The following GAD2 variants were observed in gnomAD, a reference collection of about 807,000 sequenced individuals.
GAD2 encodes 65 kDa glutamic acid decarboxylase.
GAD2 carries 22 observed loss-of-function variants against 80.1 expected under a neutral mutation model. The observed-to-expected ratio is 0.27, with a 90% CI of 0.20 to 0.39. The LOEUF is 0.39. Among genes scored for constraint, GAD2 ranks in the 10% least tolerant of loss-of-function variants. GAD2 has a pLI of 1.00. For missense variants in GAD2, 624 were observed against 738.4 expected, an observed-to-expected ratio of 0.85 and a Z score of 1.80; for synonymous variants, 274 against 256.9, an observed-to-expected ratio of 1.07 and a Z score of -0.64.
chr10:26,220,112 G>C (rs1589135993), intron 4 of GAD2, among the ~76,000 whole-genome samples: 1 of 152,116 alleles, frequency 6.6e-6, no homozygotes, highest in African/African-American at 2.4e-5. Context: ...CATCTGCCCA[G>C]GTCTTGATTA....
intron 15 of GAD2, among the ~76,000 whole-genome samples, chr10:26,293,287 C>G (rs1485557663): frequency 6.8e-6 from 1 of 147,190 alleles, no homozygotes; most frequent in Non-Finnish European, 1.5e-5. Context: ...AAGCGATTCT[C>G]CTGCCTCAGC....
At chr10:26,256,261 T>TATAG (rs994689828) in intron 8 of GAD2, among the ~76,000 whole-genome samples, 8 of 151,326 alleles carry the variant, frequency 5.3e-5, no homozygotes, top group African/African-American at 1.9e-4. Context: ...TATATATATA[T>TATAG]AGAGAGAGAA....
chr10:26,281,198 C>T lies in GAD2; in HGVS notation c.1236+111C>T, dbSNP rs1845267156. 6 of 712,404 alleles carry T rather than the reference C, an allele frequency of 8.4e-6. No individual in the cohort carries two copies. The Admixed American group carries it at 1.4e-4, about 17-fold the overall frequency. 44.1% of individuals were successfully genotyped at this position (712,404 alleles called of 1,614,324 possible). A position where few individuals can be genotyped will look rare whatever the true frequency, so the allele number is the denominator to read the frequency against. On this transcript the variant is annotated intron_variant, in intron 12 of 15. Coordinates refer to ENST00000376261, the MANE Select transcript of GAD2 (RefSeq NM_001134366.2). ...TCACCGGGTCTTCTCTATGGTCCTA[C>T]TCACATTCCCCAGAGAGCCCTTTCT...
In GAD2 at chr10:26,300,818, G is replaced by A; in HGVS notation, c.1615G>A (p.Glu539Lys). ...TCCAGTGATTAAAGCCAGAATGATG[G>A]AGTATGGAACCACAATGGTCAGCTA... ...VAPVIKARMM[E>K]YGTTMVSYQP... The change falls in exon 16 of 16, where the codon GAG becomes AAG. Residue 539 changes from glutamate to lysine, a missense_variant. Transcript: ENST00000376261. 2 of 1,613,770 alleles carry A rather than the reference G, an allele frequency of 1.2e-6. No individual in the cohort carries two copies. Among genetic ancestry groups the A allele is most frequent in the South Asian group, 1.1e-5 (1 of 91,048 alleles).
At chr10:26,227,042 G>A (rs1261863353) in intron 6 of GAD2, among the ~76,000 whole-genome samples, 1 of 151,990 alleles carries the variant, frequency 6.6e-6, no homozygotes, top group East Asian at 1.9e-4. Context: ...GCCAAGGCTG[G>A]AGTGCAGTGG....
chr10:26,247,156 T>C (rs1389000874), intron 8 of GAD2, among the ~76,000 whole-genome samples: 1 of 152,200 alleles, frequency 6.6e-6, no homozygotes, highest in African/African-American at 2.4e-5. Flanking sequence ...TTTATAGTTA[T>C]TTCTTGATTA....
At chr10:26,263,813 G>A (rs562572244) in intron 8 of GAD2, among the ~76,000 whole-genome samples, 2 of 152,256 alleles carry the variant, frequency 1.3e-5, no homozygotes, top group African/African-American at 4.8e-5. Context: ...TTATTTACTA[G>A]CCAATGCTGA....
At chr10:26,293,538 AAAG>A (rs1028492684) in intron 15 of GAD2, among the ~76,000 whole-genome samples, 1 of 152,152 alleles carries the variant, frequency 6.6e-6, no homozygotes, top group Admixed American at 6.5e-5. Flanking sequence ...TGATGTCTTG[AAAG>A]AAGTAGTCAG....
chr10:26,260,727 C>T (rs1844999631), intron 8 of GAD2, among the ~76,000 whole-genome samples: 1 of 152,192 alleles, frequency 6.6e-6, no homozygotes, highest in Non-Finnish European at 1.5e-5. Context: ...TCAGAAAAGA[C>T]TCAGCCAGTT....
At chr10:26,269,279 C>T in intron 9 of GAD2, 106 bp downstream of exon 9, 1 of 861,352 alleles carries the variant, frequency 1.2e-6, no homozygotes, top group South Asian at 2.0e-5. Flanking sequence ...AAGCCTCAAT[C>T]TCCCAGGTTT....
At chr10:26,265,012 A>G (rs575983546) in intron 8 of GAD2, among the ~76,000 whole-genome samples, 1 of 152,250 alleles carries the variant, frequency 6.6e-6, no homozygotes, top group East Asian at 1.9e-4. Flanking sequence ...CTTTGGTAAG[A>G]TAATCAGTTC....
intron 7 of GAD2, among the ~76,000 whole-genome samples, chr10:26,236,959 T>G (rs1187605025): frequency 6.6e-6 from 1 of 152,156 alleles, no homozygotes; most frequent in Non-Finnish European, 1.5e-5. Context: ...AGGTAAGACC[T>G]CCCCATTGCC....
intron 13 of GAD2, among the ~76,000 whole-genome samples, chr10:26,290,527 T>C (rs1287296598): frequency 6.6e-6 from 1 of 152,164 alleles, no homozygotes; most frequent in Admixed American, 6.5e-5. Flanking sequence ...TCTAATTGAC[T>C]GAAGGGCGAC....
intron 15 of GAD2, among the ~76,000 whole-genome samples, chr10:26,299,275 G>A (rs370083790): frequency 3.3e-5 from 5 of 152,300 alleles, no homozygotes; most frequent in East Asian, 1.9e-4. Flanking sequence ...ATATTTATAA[G>A]TCACATGTTC....
At chr10:26,245,809 G>A (rs929799832) in intron 7 of GAD2, 112 bp from the exon 8 acceptor site, 38 of 816,310 alleles carry the variant, frequency 4.7e-5, no homozygotes, top group Non-Finnish European at 6.3e-5. Context: ...CCAGGCTTTG[G>A]AGGAACAGAC....
chr10:26,216,787 A>ACCTGC lies in GAD2; in HGVS notation c.-22_-18dup. ...CGCCCGCAGCTCGCACTCGCAGGCG[A>ACCTGC]CCTGCTCCAGTCTCCAAAGCCGATG... On this transcript the variant is annotated 5_prime_UTR_variant, in exon 1 of 16. Transcript: ENST00000376261. The surrounding 1 kb of genome is among the most constrained non-coding windows in gnomAD (Gnocchi z 4.7). The ACCTGC allele has an allele frequency of 6.2e-7, 1 of 1,602,820 alleles. No individual in the cohort carries two copies.
At chr10:26,286,120 G>A (rs1845328485) in intron 12 of GAD2, among the ~76,000 whole-genome samples, 2 of 152,050 alleles carry the variant, frequency 1.3e-5, no homozygotes, top group African/African-American at 2.4e-5. Context: ...GCTAACCTCC[G>A]TGACATTTGA....
At chr10:26,251,764 T>C (rs1844883378) in intron 8 of GAD2, among the ~76,000 whole-genome samples, 1 of 152,140 alleles carries the variant, frequency 6.6e-6, no homozygotes. Flanking sequence ...TGTATGAGAG[T>C]ATGTTGGAAA....
At chr10:26,234,207 C>A (rs1257548396) in intron 7 of GAD2, among the ~76,000 whole-genome samples, 1 of 151,878 alleles carries the variant, frequency 6.6e-6, no homozygotes, top group African/African-American at 2.4e-5. Context: ...GCCTGTAATC[C>A]CAGCTACTCG....
Sources: gnomAD v4.1 joint callset for allele counts (sites outside exome capture counted in the v4.1 genomes callset) on GRCh38, gnomAD v4.1.1 for gene constraint, Gnocchi (gnomAD v3.1) non-coding constraint, MANE v1.5 for transcripts, NCBI Gene and HGNC (gene_info 2026-07-23, HGNC 2026-07-21) for gene names.